CSMD1: variants seen among roughly 807,000 people sequenced by gnomAD.
CSMD1 encodes the protein CUB and Sushi multiple domains 1.
CSMD1 carries 213 observed loss-of-function variants against 417.5 expected under a neutral mutation model. That is an observed-to-expected ratio of 0.51 (90% confidence interval 0.46 to 0.57). CSMD1 has a LOEUF of 0.57. Among genes scored for constraint, CSMD1 ranks in the 20% least tolerant of loss-of-function variants. The probability of loss-of-function intolerance (pLI) is 0.00; values close to 1 mark genes in which losing one functional copy is unlikely to be tolerated. For missense variants in CSMD1, 6,923 were observed against 4,529.7 expected (o/e 1.53, Z -15.17); for synonymous variants, 2,862 against 1,736.8 (o/e 1.65, Z -16.11).
intron 1 of CSMD1, among the ~76,000 whole-genome samples, chr8:4,727,945 TATATATATGTATATATATACAAA>T (rs1281271460): frequency 0.057 from 5,022 of 88,568 alleles, 321 homozygotes; most frequent in African/African-American, 0.18. Context: ...ATATACAAAA[TATATATATGTATATATATACAAA>T]ATATATATGT....
At chr8:3,232,556 A>G (rs957286529) in intron 26 of CSMD1, among the ~76,000 whole-genome samples, 22 of 152,194 alleles carry the variant, frequency 1.4e-4, no homozygotes, top group African/African-American at 1.9e-4. Flanking sequence ...ACTCTTGTAC[A>G]TGCTGCTGGT....
intron 5 of CSMD1, among the ~76,000 whole-genome samples, chr8:3,931,037 C>G (rs1463523738): frequency 6.6e-6 from 1 of 150,446 alleles, no homozygotes; most frequent in African/African-American, 2.5e-5. Context: ...CAGGGAAAAT[C>G]TTAACTGCGG....
chr8:3,880,739 A>G lies in CSMD1; in HGVS notation c.818+117164T>C, dbSNP rs182549098. On this transcript the variant is annotated intron_variant, in intron 5 of 69. Transcript: ENST00000635120. ...TAAATAAGCAAAATATATTAAAATT[A>G]TATTATACAGCTATTATCCAAAATT... 3.4e-4 allele frequency among the ~76,000 whole-genome samples: 52 copies of G among 152,326 alleles called. 2 individuals are homozygous for G. Among genetic ancestry groups the G allele is most frequent in the Non-Finnish European group, 1.5e-5 (1 of 68,024 alleles).
intron 25 of CSMD1, among the ~76,000 whole-genome samples, chr8:3,295,651 C>T (rs1021832876): frequency 6.6e-6 from 1 of 152,134 alleles, no homozygotes; most frequent in South Asian, 2.1e-4. Context: ...TGCTAACTCG[C>T]TCTCCCTTGG....
intron 4 of CSMD1, among the ~76,000 whole-genome samples, chr8:4,024,681 A>T (rs12682541): frequency 1.3e-5 from 2 of 152,092 alleles, no homozygotes; most frequent in African/African-American, 4.8e-5. Context: ...CACTGCATAA[A>T]TGTGACTTGT....
In CSMD1 at chr8:4,052,584, G is replaced by A. The variant is rs188873462; in HGVS notation, c.416-20485C>T. ...AAGCTGAGAAAATCACGAAATTCTTGCCTTTCCCTCCATATAATTTAAGTA... is the reference window on the plus strand; with the variant it reads ...AAGCTGAGAAAATCACGAAATTCTTACCTTTCCCTCCATATAATTTAAGTA... On this transcript the variant is annotated intron_variant, in intron 3 of 69. Coordinates refer to ENST00000635120, the MANE Select transcript of CSMD1 (RefSeq NM_033225.6). Among the ~76,000 whole-genome samples, 5 of 152,124 alleles carry A rather than the reference G, an allele frequency of 3.3e-5. No homozygotes were observed. In the South Asian group the frequency reaches 8.3e-4, roughly 25 times the overall value.
chr8:4,230,650 C>G (rs1801666806), intron 3 of CSMD1, among the ~76,000 whole-genome samples: 1 of 152,100 alleles, frequency 6.6e-6, no homozygotes, highest in Admixed American at 6.6e-5. Context: ...CCAAGTAGCT[C>G]ATAATTTTCT....
chr8:3,399,543 T>A lies in CSMD1; in HGVS notation c.2267-14A>T. 1 of 1,568,888 alleles carries A rather than the reference T, an allele frequency of 6.4e-7. No individual in the cohort carries two copies. The highest frequency in any genetic ancestry group is 8.6e-7 in the Non-Finnish European group (1 of 1,160,298). On this transcript the variant is annotated splice_polypyrimidine_tract_variant and intron_variant, in intron 15 of 69. Transcript: ENST00000635120. ...CACCACATGGAGCTAAAACAAGACG[T>A]AGAATATCTATTAGATCCAATGAGA...
At chr8:3,428,178 G>A (rs1183465144) in intron 12 of CSMD1, among the ~76,000 whole-genome samples, 1 of 152,060 alleles carries the variant, frequency 6.6e-6, no homozygotes, top group African/African-American at 2.4e-5. Context: ...TATATGGTTG[G>A]GGACCTAAAA....
intron 5 of CSMD1, among the ~76,000 whole-genome samples, chr8:3,812,033 GA>G (rs113450667): frequency 0.013 from 1,970 of 150,198 alleles, 50 homozygotes; most frequent in African/African-American, 0.045. Context: ...TGCTTAGTGA[GA>G]AAAAAAAAAT....
intron 8 of CSMD1, among the ~76,000 whole-genome samples, chr8:3,601,183 G>A (rs1801344851): frequency 6.6e-6 from 1 of 152,142 alleles, no homozygotes. Flanking sequence ...GTGTCCGTGG[G>A]ATTCCTGTTC....
intron 7 of CSMD1, among the ~76,000 whole-genome samples, chr8:3,617,288 G>A (rs1356188266): frequency 6.6e-6 from 1 of 152,062 alleles, no homozygotes; most frequent in Non-Finnish European, 1.5e-5. Context: ...AACCCATAAT[G>A]GTTTCTTTGT....
chr8:4,538,430 A>T lies in CSMD1; in HGVS notation c.302+98912T>A, dbSNP rs181901476. 3.3e-5 allele frequency among the ~76,000 whole-genome samples: 5 copies of T among 152,002 alleles called. No individual in the cohort carries two copies. The East Asian group carries it at 9.7e-4, about 30-fold the overall frequency. ...GGCCGAGGCAGGGAGATCACCTGAG[A>T]TCAGGAGTTTGAGACCAGCCTGGTC... On this transcript the variant is annotated intron_variant, in intron 2 of 69. Transcript: ENST00000635120.
chr8:3,998,002 G>C lies in CSMD1; in HGVS notation c.719C>G (p.Ala240Gly). The C allele has an allele frequency of 1.2e-6, 2 of 1,609,676 alleles. No individual in the cohort carries two copies. Among genetic ancestry groups the C allele is most frequent in the Non-Finnish European group, 1.7e-6 (2 of 1,177,880 alleles). Residue 240 changes from alanine (A) to glycine (G), a missense_variant, in exon 5 of 70, where the codon GCT (alanine) becomes GGT (glycine). By Grantham distance (60) the Ala-to-Gly change is moderately conservative. Coordinates refer to ENST00000635120, the MANE Select transcript of CSMD1 (RefSeq NM_033225.6). Reference protein sequence around the residue: ...NNADCTWTILAEPGDTIALVF... With the variant: ...NNADCTWTILGEPGDTIALVF... ...CAGCGCAATGGTGTCCCCGGGCTCA[G>C]CCAGAATGGTCCAGGTGCAGTCCGC...
chr8:4,641,546 C>A (rs1035432415), intron 1 of CSMD1, among the ~76,000 whole-genome samples: 16 of 152,192 alleles, frequency 1.1e-4, no homozygotes, highest in East Asian at 1.9e-4. Flanking sequence ...ATGATTTTTA[C>A]AAGGATGGAA....
At chr8:3,397,289 T>C (rs1272454482) in intron 16 of CSMD1, among the ~76,000 whole-genome samples, 3 of 152,190 alleles carry the variant, frequency 2.0e-5, no homozygotes, top group Middle Eastern at 3.2e-3. Context: ...ATTAGCTCTG[T>C]GCTGGATGTT....
chr8:4,106,667 T>C (rs186544604), intron 3 of CSMD1, among the ~76,000 whole-genome samples: 43 of 152,314 alleles, frequency 2.8e-4, no homozygotes, highest in African/African-American at 8.4e-4. Flanking sequence ...ATAAAAACAG[T>C]AAAACATTTT....
In CSMD1 at chr8:3,157,965, C is replaced by A; in HGVS notation, c.5846G>T (p.Gly1949Val). ...TGGCATACAGGAAATGTGGGAACGG[C>A]CCTGTTTAAAAGAAAACAAAAGAAA... ...FQCEPGYTLQ[G>V]RSHISCMPGT... The change falls in exon 39 of 70, where the codon GGC becomes GTC. Residue 1949 changes from glycine to valine, a missense_variant and splice_region_variant. Transcript: ENST00000635120. 2 of 1,552,840 alleles carry A rather than the reference C, an allele frequency of 1.3e-6. No individual in the cohort carries two copies. The highest frequency in any genetic ancestry group is 1.7e-6 in the Non-Finnish European group (2 of 1,147,656).
intron 3 of CSMD1, among the ~76,000 whole-genome samples, chr8:4,143,021 C>G (rs1295381484): frequency 6.7e-6 from 1 of 149,916 alleles, no homozygotes; most frequent in Non-Finnish European, 1.5e-5. Context: ...CATTTAGGAA[C>G]TAGTGTCCAA....
Sources: allele counts gnomAD v4.1 joint callset (sites outside exome capture counted in the v4.1 genomes callset), GRCh38; gene constraint gnomAD v4.1.1; transcripts MANE v1.5; gene names NCBI Gene and HGNC (gene_info 2026-07-23, HGNC 2026-07-21).